PDE4B: variants seen among roughly 807,000 people sequenced by gnomAD.
The protein encoded by PDE4B is 3',5'-cyclic-AMP phosphodiesterase 4B.
A neutral mutation model predicts 82.2 loss-of-function variants in PDE4B; 20 were observed. That is an observed-to-expected ratio of 0.24 (90% CI 0.17 to 0.35). PDE4B has a LOEUF of 0.35. Among genes scored for constraint, PDE4B ranks in the 10% least tolerant of loss-of-function variants. The pLI is 1.00. For missense variants in PDE4B, 655 were observed against 907.2 expected (o/e 0.72, Z 3.57); for synonymous variants, 320 against 318.9 (o/e 1.00, Z -0.04).
chr1:66,288,599 C>G (rs1264919495), intron 7 of PDE4B, among the ~76,000 whole-genome samples: 1 of 152,074 alleles, frequency 6.6e-6, no homozygotes, highest in Non-Finnish European at 1.5e-5. Flanking sequence ...TAAACTAGCG[C>G]CTGGCTTACT....
intron 1 of PDE4B, among the ~76,000 whole-genome samples, chr1:65,814,885 G>A (rs1433974498): frequency 1.3e-5 from 2 of 151,572 alleles, no homozygotes; most frequent in East Asian, 3.9e-4. Flanking sequence ...ATGGATATAT[G>A]TTTTTATTTG....
intron 7 of PDE4B, among the ~76,000 whole-genome samples, chr1:66,296,542 G>A (rs1220990016): frequency 6.6e-6 from 1 of 152,090 alleles, no homozygotes; most frequent in South Asian, 2.1e-4. Context: ...TGTGACCTTA[G>A]GCATGTTACT....
At chr1:65,936,111 G>A (rs1648121741) in intron 3 of PDE4B, among the ~76,000 whole-genome samples, 1 of 151,590 alleles carries the variant, frequency 6.6e-6, no homozygotes, top group African/African-American at 2.4e-5. Flanking sequence ...CTAGGTCCTT[G>A]CAGGATCAGG....
chr1:65,894,025 G>C (rs552146536), intron 1 of PDE4B, among the ~76,000 whole-genome samples: 1 of 152,104 alleles, frequency 6.6e-6, no homozygotes, highest in African/African-American at 2.4e-5. Context: ...CCAGATAAAA[G>C]ACTACATATT....
intron 1 of PDE4B, among the ~76,000 whole-genome samples, chr1:65,892,380 G>C (rs1024338663): frequency 2.0e-5 from 3 of 151,982 alleles, no homozygotes; most frequent in Non-Finnish European, 2.9e-5. Context: ...TTTTAATTGA[G>C]TGACCTTGTT....
intron 16 of PDE4B, among the ~76,000 whole-genome samples, chr1:66,370,319 A>G (rs1053087593): frequency 6.6e-6 from 1 of 152,182 alleles, no homozygotes; most frequent in Non-Finnish European, 1.5e-5. Flanking sequence ...ACACCCTTTT[A>G]TTAATAGCAG....
At chr1:66,207,330 A>G (rs1374424781) in intron 3 of PDE4B, among the ~76,000 whole-genome samples, 2 of 152,200 alleles carry the variant, frequency 1.3e-5, no homozygotes, top group Non-Finnish European at 2.9e-5. Flanking sequence ...CAATTTCTTA[A>G]TGCAATTTAT....
At chr1:65,839,020 A>G (rs1646176508) in intron 1 of PDE4B, among the ~76,000 whole-genome samples, 1 of 152,186 alleles carries the variant, frequency 6.6e-6, no homozygotes, top group Non-Finnish European at 1.5e-5. Context: ...TTATTGCTGA[A>G]AATCAGTTGT....
intron 3 of PDE4B, among the ~76,000 whole-genome samples, chr1:66,079,046 G>C (rs2455018): frequency 0.96 from 145,836 of 152,172 alleles, 69,903 homozygotes; most frequent in East Asian, 0.98. Context: ...TGCCACCAGA[G>C]AGCCTGCACA....
rs544587896 is a variant in PDE4B at position 66,164,887 on chromosome 1, C to T, written c.282-82573C>T. Among the ~76,000 whole-genome samples the T allele has an allele frequency of 9.1e-4, 138 of 151,702 alleles. 1 individual carries two copies. The highest frequency in any genetic ancestry group is 6.8e-3 in the Middle Eastern group (2 of 294). ...ATGCCATTCTCCTGCCTCAGCCTCC[C>T]GAGTAGCTGGGACTACAGGTGCCCA... On this transcript the variant is annotated intron_variant, in intron 3 of 16. Transcript: ENST00000341517.
chr1:66,293,912 A>G (rs1360660393), intron 7 of PDE4B, among the ~76,000 whole-genome samples: 1 of 152,196 alleles, frequency 6.6e-6, no homozygotes, highest in East Asian at 1.9e-4. Context: ...TCTCAGGTTC[A>G]AAAAGCTCTG....
Position 65,927,524 on chromosome 1 carries a change from AAT to A in PDE4B, c.281+8696_281+8697del, listed in dbSNP as rs556915498. On this transcript the variant is annotated intron_variant, in intron 3 of 16. Coordinates refer to ENST00000341517, the MANE Select transcript of PDE4B (RefSeq NM_002600.4). ...ATATATAATATATGTAAATATATAT[AAT>A]ATATATTATCTTTATCACATCTGGT... Among the ~76,000 whole-genome samples the A allele has an allele frequency of 2.7e-5, 4 of 147,584 alleles. No homozygotes were observed. The South Asian group carries it at 8.4e-4, about 31-fold the overall frequency.
At chr1:65,905,934 G>A (rs1429911006) in intron 1 of PDE4B, among the ~76,000 whole-genome samples, 3 of 151,980 alleles carry the variant, frequency 2.0e-5, no homozygotes, top group African/African-American at 4.8e-5. Context: ...TATTATCCAC[G>A]GCATCTAGCA....
intron 7 of PDE4B, among the ~76,000 whole-genome samples, chr1:66,312,990 T>C (rs924129190): frequency 6.6e-6 from 1 of 152,240 alleles, no homozygotes; most frequent in Non-Finnish European, 1.5e-5. Context: ...ATCTGCTTCA[T>C]GTTTTAATTA....
intron 7 of PDE4B, among the ~76,000 whole-genome samples, chr1:66,299,370 C>T (rs184160820): frequency 5.9e-5 from 9 of 152,280 alleles, no homozygotes; most frequent in Admixed American, 4.6e-4. Context: ...CCTCCAAGCT[C>T]ATCCATGTTG....
intron 3 of PDE4B, among the ~76,000 whole-genome samples, chr1:65,967,967 TG>T (rs1260386618): frequency 1.3e-5 from 2 of 152,070 alleles, no homozygotes; most frequent in Non-Finnish European, 2.9e-5. Context: ...TGTATACCTA[TG>T]TAACAAACCT....
chr1:66,043,821 T>C (rs1654531063), intron 3 of PDE4B, among the ~76,000 whole-genome samples: 1 of 151,660 alleles, frequency 6.6e-6, no homozygotes, highest in Non-Finnish European at 1.5e-5. Flanking sequence ...TAGTAAATCA[T>C]GGATGGTGAA....
chr1:66,231,089 A>AATATT (rs1651914890), intron 3 of PDE4B, among the ~76,000 whole-genome samples: 1 of 152,134 alleles, frequency 6.6e-6, no homozygotes, highest in Non-Finnish European at 1.5e-5. Context: ...AAACGAAATG[A>AATATT]ATATTATGGC....
intron 1 of PDE4B, among the ~76,000 whole-genome samples, chr1:65,842,220 A>C (rs1181328501): frequency 6.6e-6 from 1 of 152,216 alleles, no homozygotes; most frequent in African/African-American, 2.4e-5. Context: ...GACACAAAAA[A>C]ACACTAATAA....
Sources: allele counts gnomAD v4.1 joint callset (sites outside exome capture counted in the v4.1 genomes callset), GRCh38; gene constraint gnomAD v4.1.1; transcripts MANE v1.5; gene names NCBI Gene and HGNC (gene_info 2026-07-23, HGNC 2026-07-21).